The following RSRP1 variants were observed in gnomAD, a reference collection of about 807,000 sequenced individuals.
RSRP1 encodes arginine and serine rich protein 1.
In RSRP1, 37 loss-of-function variants were observed where a neutral mutation model predicts 33.0. That is an observed-to-expected ratio of 1.12 (90% CI 0.86 to 1.48). The LOEUF is 1.48. Ranked by LOEUF, RSRP1 falls within the 40% of genes most tolerant of loss-of-function variation. The pLI is 0.00. For synonymous variants in RSRP1, 167 were observed against 158.7 expected, an observed-to-expected ratio of 1.05 and a Z score of -0.40; for missense variants, 402 against 385.3, an observed-to-expected ratio of 1.04 and a Z score of -0.36.
Position 25,242,438 on chromosome 1 carries a change from ATAT to A in RSRP1, c.*148_*150del. 1 of 560,628 alleles carries A rather than the reference ATAT, an allele frequency of 1.8e-6. No individual in the cohort carries two copies. Among genetic ancestry groups the A allele is most frequent in the Non-Finnish European group, 3.2e-6 (1 of 311,466 alleles). 34.7% of individuals were successfully genotyped at this position (560,628 alleles called of 1,614,324 possible). A position where few individuals can be genotyped will look rare whatever the true frequency, so the allele number is the denominator to read the frequency against. ...TCTGCAAGAGAAACCTAAAATGTTAATATTTGAGTGTTAAGTATTTACATCTTT... is the reference window on the plus strand; with the variant it reads ...TCTGCAAGAGAAACCTAAAATGTTAATTGAGTGTTAAGTATTTACATCTTT... On this transcript the variant is annotated 3_prime_UTR_variant, in exon 5 of 5. Coordinates refer to ENST00000243189, the MANE Select transcript of RSRP1 (RefSeq NM_020317.5).
At chr1:25,246,334 G>A in intron 2 of RSRP1, 110 bp downstream of exon 2, 1 of 1,482,110 alleles carries the variant, frequency 6.7e-7, no homozygotes, top group Non-Finnish European at 9.1e-7. Flanking sequence ...AAAAGATTTC[G>A]GGCACTAAAG....
At chr1:25,261,612 G>C (rs1323138844) in intron 1 of RSRP1, among the ~76,000 whole-genome samples, 2 of 151,318 alleles carry the variant, frequency 1.3e-5, no homozygotes, top group Non-Finnish European at 2.9e-5. Context: ...CACCATGTTA[G>C]CCAGGATGGT....
Position 25,298,013 on chromosome 1 carries a change from C to T in RSRP1, c.-67+39965G>A, listed in dbSNP as rs1422974394. On this transcript the variant is annotated intron_variant, in intron 1 of 1. Transcript: ENST00000561867. Reference sequence around the variant, plus strand: ...CTCTGTACACCAGCTTTCTCTTTAGCGAAAAACGTGTCCCCTCCACCCACC... The same window carrying T: ...CTCTGTACACCAGCTTTCTCTTTAGTGAAAAACGTGTCCCCTCCACCCACC... Among the ~76,000 whole-genome samples, 30 of 127,320 alleles carry T rather than the reference C, an allele frequency of 2.4e-4. 6 individuals carry two copies. Among genetic ancestry groups the T allele is most frequent in the East Asian group, 7.9e-4 (4 of 5,090 alleles). The allele number at this position is 127,320 out of a possible 152,430, so 83.5% of individuals were successfully genotyped here.
rs1468062159 is a variant in RSRP1 at position 25,273,614 on chromosome 1, G to GT, written c.-66-26586dup. ...GGCTGAAGGGGAGGGTAGGATGATG[G>GT]TTATTTTATATTCAGCTAAAAATAT... is the stretch of plus-strand genomic sequence containing the variant. On this transcript the variant is annotated intron_variant, in intron 1 of 1. Coordinates refer to the RSRP1 transcript ENST00000561867. Among the ~76,000 whole-genome samples, 2 of 99,178 alleles carry GT rather than the reference G, an allele frequency of 2.0e-5. 1 individual carries two copies. The highest frequency in any genetic ancestry group is 4.9e-5 in the Non-Finnish European group (2 of 41,060). The allele number at this position is 99,178 out of a possible 152,430, so 65.1% of individuals were successfully genotyped here.
Position 25,330,905 on chromosome 1 carries a change from G to A in RSRP1, c.-67+7073C>T, listed in dbSNP as rs561947592. Among the ~76,000 whole-genome samples the A allele has an allele frequency of 2.7e-4, 32 of 120,050 alleles. 10 individuals are homozygous for A. Among genetic ancestry groups the A allele is most frequent in the Non-Finnish European group, 5.5e-4 (29 of 52,366 alleles). 78.8% of individuals were successfully genotyped at this position (120,050 alleles called of 152,430 possible). A position where few individuals can be genotyped will look rare whatever the true frequency, so the allele number is the denominator to read the frequency against. On this transcript the variant is annotated intron_variant, in intron 1 of 1. Coordinates refer to the RSRP1 transcript ENST00000561867. ...TTGCAGATGGCTGCCTCCTCCCTGT[G>A]TCCTCATAGAGCCTGTCTTCTGCTT...
chr1:25,319,751 A>G lies in RSRP1; in HGVS notation c.-67+18227T>C, dbSNP rs1469123106. Among the ~76,000 whole-genome samples the G allele has an allele frequency of 5.3e-5, 7 of 132,618 alleles. 2 individuals carry two copies. The highest frequency in any genetic ancestry group is 5.4e-5 in the Non-Finnish European group (3 of 55,904). 87.0% of individuals were successfully genotyped at this position (132,618 alleles called of 152,430 possible). On this transcript the variant is annotated intron_variant, in intron 1 of 1. Coordinates refer to the RSRP1 transcript ENST00000561867. ...ATGGGCCTGTCTGTATTTATTTAAG[A>G]AACAATCCTATCAAGCATAGTTATT...
chr1:25,285,010 C>G (rs1456794124), intron 1 of RSRP1, among the ~76,000 whole-genome samples: 1 of 135,060 alleles, frequency 7.4e-6, no homozygotes, highest in African/African-American at 2.6e-5. Context: ...TGCATCCTTT[C>G]TTTCCTGTTA....
chr1:25,293,883 G>C lies in RSRP1; in HGVS notation c.-67+44095C>G, dbSNP rs545932913. Among the ~76,000 whole-genome samples the C allele has an allele frequency of 7.6e-5, 10 of 132,090 alleles. 2 individuals carry two copies. Among genetic ancestry groups the C allele is most frequent in the African/African-American group, 2.6e-4 (10 of 38,544 alleles). The allele number at this position is 132,090 out of a possible 152,430, so 86.7% of individuals were successfully genotyped here. On this transcript the variant is annotated intron_variant, in intron 1 of 1. Coordinates refer to the RSRP1 transcript ENST00000561867. Reference sequence around the variant, plus strand: ...GAGATTGAGAAATTAAAAGGCAAAAGCTGATATATCATGTTTAGTTATATT... The same window carrying C: ...GAGATTGAGAAATTAAAAGGCAAAACCTGATATATCATGTTTAGTTATATT...
At chr1:25,313,837 G>A (rs1226719050) in intron 1 of RSRP1, among the ~76,000 whole-genome samples, 2 of 132,926 alleles carry the variant, frequency 1.5e-5, no homozygotes, top group African/African-American at 5.1e-5. Context: ...AAGCTGACTT[G>A]CAAGAAAATG....
chr1:25,332,704 T>G (rs1205497274), intron 1 of RSRP1, among the ~76,000 whole-genome samples: 1 of 132,734 alleles, frequency 7.5e-6, no homozygotes, highest in African/African-American at 2.6e-5. Flanking sequence ...ACTTGTATTC[T>G]AATGGAAAAA....
In RSRP1 at chr1:25,276,663, G is replaced by A. The variant is rs1192611928; in HGVS notation, c.-66-29634C>T. On this transcript the variant is annotated intron_variant, in intron 1 of 1. Coordinates refer to the RSRP1 transcript ENST00000561867. ...TGGGAGCTTGAGGCTGCAGTGGGAC[G>A]GGATTGTACCACTTCACTCCAGCAT... is the stretch of plus-strand genomic sequence containing the variant. Among the ~76,000 whole-genome samples, 7 of 130,250 alleles carry A rather than the reference G, an allele frequency of 5.4e-5. 2 individuals are homozygous for A. The highest frequency in any genetic ancestry group is 1.1e-4 in the Non-Finnish European group (6 of 55,362). 85.4% of individuals were successfully genotyped at this position (130,250 alleles called of 152,430 possible).
intron 1 of RSRP1, among the ~76,000 whole-genome samples, chr1:25,258,724 A>C (rs915674590): frequency 6.6e-6 from 1 of 152,220 alleles, no homozygotes; most frequent in African/African-American, 2.4e-5. Context: ...CATTATACCA[A>C]ATACTTTGAG....
rs1640792676 is a variant in RSRP1, at chr1:25,274,733, G to A, written c.-66-27704C>T. Among the ~76,000 whole-genome samples, 2 of 134,122 alleles carry A rather than the reference G, an allele frequency of 1.5e-5. 1 individual carries two copies. Among genetic ancestry groups the A allele is most frequent in the South Asian group, 4.5e-4 (2 of 4,432 alleles). The allele number at this position is 134,122 out of a possible 152,430, so 88.0% of individuals were successfully genotyped here. On this transcript the variant is annotated intron_variant, in intron 1 of 1. Coordinates refer to the RSRP1 transcript ENST00000561867. ...TAAAAGGGGAAACAAAGGGCCGGGC[G>A]ACGTGGCTCACGCCTGTAATCCCGG...
At position 25,281,026 on chromosome 1, in the gene RSRP1, T is replaced by C. The variant is rs544102095; in HGVS notation, c.-66-33997A>G. 3.0e-4 allele frequency among the ~76,000 whole-genome samples: 40 copies of C among 131,814 alleles called. 8 individuals are homozygous for C. Among genetic ancestry groups the C allele is most frequent in the Admixed American group, 5.9e-4 (8 of 13,620 alleles). The allele number at this position is 131,814 out of a possible 152,430, so 86.5% of individuals were successfully genotyped here. A position where few individuals can be genotyped will look rare whatever the true frequency, so the allele number is the denominator to read the frequency against. ...GAATATTCCAGAGCTGTAAAAGCCT[T>C]AGAGAGTATCAAGTCCAACTCCTAT... On this transcript the variant is annotated intron_variant, in intron 1 of 1. Transcript: ENST00000561867.
chr1:25,308,572 G>C (rs1350726608), intron 1 of RSRP1, among the ~76,000 whole-genome samples: 1 of 131,964 alleles, frequency 7.6e-6, no homozygotes, highest in Non-Finnish European at 1.8e-5. Flanking sequence ...TGGTACAAAC[G>C]CTTCCCGCAT....
At chr1:25,276,163 G>C (rs1245146630) in intron 1 of RSRP1, among the ~76,000 whole-genome samples, 1 of 131,290 alleles carries the variant, frequency 7.6e-6, no homozygotes, top group East Asian at 2.0e-4. Context: ...TGTTAATTTT[G>C]TTAGGTATGA....
In RSRP1 at chr1:25,334,876, C is replaced by T. The variant is rs1387007815; in HGVS notation, c.-67+3102G>A. Among the ~76,000 whole-genome samples the T allele has an allele frequency of 1.5e-5, 2 of 129,840 alleles. 1 individual carries two copies. Among genetic ancestry groups the T allele is most frequent in the South Asian group, 4.6e-4 (2 of 4,362 alleles). The allele number at this position is 129,840 out of a possible 152,430, so 85.2% of individuals were successfully genotyped here. A position where few individuals can be genotyped will look rare whatever the true frequency, so the allele number is the denominator to read the frequency against. The stretch of plus-strand genomic sequence containing the variant: ...TAGGCTGCACACAGCATGAGGACCC[C>T]GGGCCTGGCCAACAAAACCATTTTT... On this transcript the variant is annotated intron_variant, in intron 1 of 1. Transcript: ENST00000561867.
At chr1:25,255,248 T>C (rs1639911012) in intron 1 of RSRP1, among the ~76,000 whole-genome samples, 1 of 152,164 alleles carries the variant, frequency 6.6e-6, no homozygotes, top group African/African-American at 2.4e-5. Context: ...AGGCTTCCTT[T>C]TTGAAGGTTA....
At position 25,242,334 on chromosome 1, in the gene RSRP1, AC is replaced by A. The variant is rs34168080; in HGVS notation, c.*254del. 7 of 261,080 alleles carry A rather than the reference AC, an allele frequency of 2.7e-5. No individual in the cohort carries two copies. The South Asian group carries it at 9.4e-4, about 35-fold the overall frequency. 16.2% of individuals were successfully genotyped at this position (261,080 alleles called of 1,614,324 possible). A position where few individuals can be genotyped will look rare whatever the true frequency, so the allele number is the denominator to read the frequency against. ...GTCTAAAAAATTTCATTTTTACATA[AC>A]CAAGACAATATTTACAACTATATAC... is the stretch of plus-strand genomic sequence containing the variant. On this transcript the variant is annotated 3_prime_UTR_variant, in exon 5 of 5. Transcript: ENST00000243189.
Sources: gnomAD v4.1 joint callset for allele counts (sites outside exome capture counted in the v4.1 genomes callset) on GRCh38, gnomAD v4.1.1 for gene constraint, MANE v1.5 for transcripts, NCBI Gene and HGNC (gene_info 2026-07-23, HGNC 2026-07-21) for gene names.